Variants in NRP2 observed in about 807,000 individuals in gnomAD.
NRP2 encodes the protein neuropilin 2, also known as neuropilin-2.
Under a neutral mutation model 110.4 loss-of-function variants are expected in NRP2, and 52 were observed. That is an observed-to-expected ratio of 0.47 (90% CI 0.38 to 0.59). The LOEUF is 0.59. NRP2 is among the 20% of genes least tolerant of loss of function. NRP2 has a pLI of 0.00. For missense variants in NRP2, 1,049 were observed against 1,203.0 expected, an observed-to-expected ratio of 0.87 and a Z score of 1.89; for synonymous variants, 508 against 468.9, an observed-to-expected ratio of 1.08 and a Z score of -1.08.
intron 15 of NRP2, chr2:205,776,140 C>CATGTG: frequency 8.8e-7 from 1 of 1,136,838 alleles, no homozygotes; most frequent in East Asian, 2.3e-5. Context: ...AGACCCTTCC[C>CATGTG]TGTATGTCCC....
chr2:205,696,865 A>G (rs1274320223), intron 1 of NRP2, among the ~76,000 whole-genome samples: 1 of 152,218 alleles, frequency 6.6e-6, no homozygotes, highest in African/African-American at 2.4e-5. Flanking sequence ...AGATTTTTCC[A>G]TTCGGTGTAT....
Position 205,727,977 on chromosome 2 carries a change from A to T in NRP2, c.1077A>T (p.Lys359Asn). The change falls in exon 7 of 17, where the codon AAA becomes AAT. Residue 359 changes from lysine (K) to asparagine (N), a missense_variant. Lys to Asn is a moderately conservative substitution (Grantham distance 94, BLOSUM62 0). Coordinates refer to ENST00000357785, the MANE Select transcript of NRP2 (RefSeq NM_003872.3). ...AAACACAGAATGGCTACTATGTCAAATCCTACAAGCTGGAAGTCAGCACTA... is the reference window on the plus strand; with the variant it reads ...AAACACAGAATGGCTACTATGTCAATTCCTACAAGCTGGAAGTCAGCACTA... ...SRETQNGYYVKSYKLEVSTNG... is the reference protein window; with the variant it reads ...SRETQNGYYVNSYKLEVSTNG... 1.2e-6 allele frequency: 2 copies of T among 1,614,180 alleles called. No individual in the cohort carries two copies. Among genetic ancestry groups the T allele is most frequent in the Non-Finnish European group, 1.7e-6 (2 of 1,180,034 alleles).
In NRP2 at chr2:205,797,266, C is replaced by G. The variant is rs575252014; in HGVS notation, c.*2208C>G. The G allele has an allele frequency of 1.3e-5, 2 of 152,652 alleles. No individual in the cohort carries two copies. The highest frequency in any genetic ancestry group is 3.8e-4 in the East Asian group (2 of 5,198). The allele number at this position is 152,652 out of a possible 1,614,324, so 9.5% of individuals were successfully genotyped here. On this transcript the variant is annotated 3_prime_UTR_variant, in exon 17 of 17. Transcript: ENST00000357785. Reference sequence around the variant, plus strand: ...GCCCACAGTAGAAGCAAGATTTTAACTAGCCCCTTTTCCTCTTCACCCTCC... The same window carrying G: ...GCCCACAGTAGAAGCAAGATTTTAAGTAGCCCCTTTTCCTCTTCACCCTCC...
Position 205,716,399 on chromosome 2 carries a change from C to T in NRP2, c.433+25C>T, listed in dbSNP as rs373526002. 11 of 1,611,950 alleles carry T rather than the reference C, an allele frequency of 6.8e-6. No individual in the cohort carries two copies. In the African/African-American group the frequency reaches 1.2e-4, roughly 18 times the overall value. On this transcript the variant is annotated intron_variant, in intron 3 of 16. Coordinates refer to ENST00000357785, the MANE Select transcript of NRP2 (RefSeq NM_003872.3). Reference sequence around the variant, plus strand: ...GGTCAGTGTGGTCACACGTAGGGGCCGGGAGATGGGCGTCTTAGAGAAGAA... The same window carrying T: ...GGTCAGTGTGGTCACACGTAGGGGCTGGGAGATGGGCGTCTTAGAGAAGAA...
intron 3 of NRP2, among the ~76,000 whole-genome samples, chr2:205,720,692 G>A (rs1293419841): frequency 6.6e-6 from 1 of 152,240 alleles, no homozygotes; most frequent in African/African-American, 2.4e-5. Flanking sequence ...TTGGCCCCCT[G>A]AAGACCCGCC....
chr2:205,693,682 G>A (rs770052413), intron 1 of NRP2, among the ~76,000 whole-genome samples: 61 of 152,084 alleles, frequency 4.0e-4, no homozygotes, highest in Non-Finnish European at 2.6e-4. Context: ...TGCTAATGTC[G>A]ATCCCTCCCT....
intron 12 of NRP2, among the ~76,000 whole-genome samples, chr2:205,757,353 C>A (rs1333448897): frequency 2.6e-5 from 4 of 152,102 alleles, no homozygotes; most frequent in Non-Finnish European, 5.9e-5. Flanking sequence ...TAACACCTCA[C>A]TGGGGCTATT....
intron 12 of NRP2, 79 bp downstream of exon 12, chr2:205,753,054 AG>A (rs2057676562): frequency 6.3e-7 from 1 of 1,577,912 alleles, no homozygotes; most frequent in African/African-American, 1.3e-5. Flanking sequence ...TTCCCTTACA[AG>A]CTTCATAACT....
chr2:205,748,484 C>G (rs1261892055), intron 10 of NRP2, among the ~76,000 whole-genome samples: 1 of 152,202 alleles, frequency 6.6e-6, no homozygotes, highest in Non-Finnish European at 1.5e-5. Flanking sequence ...AGGTTATTTG[C>G]TATTTACTGT....
chr2:205,741,667 C>G (rs1162579433), intron 8 of NRP2, among the ~76,000 whole-genome samples: 1 of 152,208 alleles, frequency 6.6e-6, no homozygotes, highest in Non-Finnish European at 1.5e-5. Flanking sequence ...CTGGAAGTGT[C>G]TTCAGTGTAC....
intron 7 of NRP2, among the ~76,000 whole-genome samples, chr2:205,738,028 A>G (rs1427944297): frequency 1.3e-5 from 2 of 152,250 alleles, no homozygotes; most frequent in Non-Finnish European, 2.9e-5. Flanking sequence ...TGAGGAAAGA[A>G]AAGGTCTCTT....
At chr2:205,704,837 C>T (rs2056642712) in intron 2 of NRP2, among the ~76,000 whole-genome samples, 1 of 152,210 alleles carries the variant, frequency 6.6e-6, no homozygotes, top group South Asian at 2.1e-4. Flanking sequence ...CACCCTGGCA[C>T]CTTCTCCGAA....
chr2:205,716,352 G>GCA lies in NRP2; in HGVS notation c.412_413insAC (p.Arg138HisfsTer56). 6.2e-7 allele frequency: 1 copy of GCA among 1,614,062 alleles called. No individual in the cohort carries two copies. The highest frequency in any genetic ancestry group is 8.5e-7 in the Non-Finnish European group (1 of 1,180,032). ...CCCGGCAGGGGGCAGGCTTCTCTCT[G>GCA]CGCTACGAGATCTTCAAGACAGGTC... On this transcript the variant is annotated frameshift_variant, in exon 3 of 17. Transcript: ENST00000357785. LOFTEE classifies it high-confidence loss of function.
intron 13 of NRP2, 71 bp from the exon 14 acceptor site, chr2:205,765,403 A>G: frequency 7.7e-7 from 1 of 1,300,530 alleles, no homozygotes; most frequent in East Asian, 2.3e-5. Context: ...GCTAACAGAA[A>G]CTTGGAAATC....
At position 205,683,428 on chromosome 2, in the gene NRP2, G is replaced by T. The variant is rs928048429; in HGVS notation, c.73+65G>T. On this transcript the variant is annotated intron_variant, in intron 1 of 16. Coordinates refer to ENST00000357785, the MANE Select transcript of NRP2 (RefSeq NM_003872.3). Reference sequence around the variant, plus strand: ...TTCCCCTTTAAAAGTGACCGCTAAAGCAGGAAGGCCACGCAGAACGGCACA... The same window carrying T: ...TTCCCCTTTAAAAGTGACCGCTAAATCAGGAAGGCCACGCAGAACGGCACA... The T allele has an allele frequency of 3.4e-5, 40 of 1,162,646 alleles. No individual in the cohort carries two copies. The Admixed American group carries it at 6.8e-4, about 20-fold the overall frequency. 72.0% of individuals were successfully genotyped at this position (1,162,646 alleles called of 1,614,324 possible). A position where few individuals can be genotyped will look rare whatever the true frequency, so the allele number is the denominator to read the frequency against.
chr2:205,775,777 C>T (rs374544648), intron 15 of NRP2, among the ~76,000 whole-genome samples: 4 of 152,082 alleles, frequency 2.6e-5, no homozygotes, highest in East Asian at 1.9e-4. Flanking sequence ...TCACTGAATC[C>T]CGGAAGTCAT....
intron 3 of NRP2, among the ~76,000 whole-genome samples, chr2:205,719,317 G>T (rs923659510): frequency 3.3e-5 from 5 of 152,166 alleles, no homozygotes; most frequent in Non-Finnish European, 7.4e-5. Flanking sequence ...GCAGACCAGG[G>T]CATGTGGCTG....
chr2:205,782,323 G>C (rs907619666), intron 15 of NRP2, among the ~76,000 whole-genome samples: 2 of 152,132 alleles, frequency 1.3e-5, no homozygotes, highest in Non-Finnish European at 2.9e-5. Flanking sequence ...AGGGAGGACT[G>C]AGTGTTATGT....
In NRP2 at chr2:205,796,848, A is replaced by G. The variant is rs2058356254; in HGVS notation, c.*1790A>G. The G allele has an allele frequency of 6.6e-6, 1 of 152,650 alleles. No homozygotes were observed. Among genetic ancestry groups the G allele is most frequent in the South Asian group, 2.1e-4 (1 of 4,830 alleles). 9.5% of individuals were successfully genotyped at this position (152,650 alleles called of 1,614,324 possible). A position where few individuals can be genotyped will look rare whatever the true frequency, so the allele number is the denominator to read the frequency against. ...CCAGCCTATTGCATATCATTGTCAG[A>G]CCATTTTTGCTGCTGTGGTCACCCA... On this transcript the variant is annotated 3_prime_UTR_variant, in exon 17 of 17. Coordinates refer to ENST00000357785, the MANE Select transcript of NRP2 (RefSeq NM_003872.3).
Sources: gnomAD v4.1 joint callset for allele counts (sites outside exome capture counted in the v4.1 genomes callset) on GRCh38, gnomAD v4.1.1 for gene constraint, MANE v1.5 for transcripts, NCBI Gene and HGNC (gene_info 2026-07-23, HGNC 2026-07-21) for gene names.